TSPAN9: variants seen among roughly 807,000 people sequenced by gnomAD.
TSPAN9 encodes tetraspanin 9, also known as tetraspanin-9.
In TSPAN9, 16 loss-of-function variants were observed where a neutral mutation model predicts 31.0. The observed-to-expected ratio is 0.52, with a 90% CI of 0.35 to 0.78. The LOEUF (loss-of-function observed/expected upper bound fraction) is 0.78, where lower values mean the gene tolerates loss of function less well. Among genes scored for constraint, TSPAN9 ranks in the 30% least tolerant of loss-of-function variants. The pLI is 0.01. For missense variants in TSPAN9, 272 were observed against 312.5 expected (o/e 0.87, Z 0.98); for synonymous variants, 145 against 121.6 (o/e 1.19, Z -1.27).
At chr12:3,242,448 C>T (rs2098397045) in intron 3 of TSPAN9, among the ~76,000 whole-genome samples, 1 of 152,224 alleles carries the variant, frequency 6.6e-6, no homozygotes, top group Non-Finnish European at 1.5e-5. Context: ...AGATGAAGAG[C>T]AATAGCCTGG....
rs190488338 is a variant in TSPAN9, at chr12:3,190,560, T to C, written c.-17-10617T>C. Among the ~76,000 whole-genome samples, 97 of 152,274 alleles carry C rather than the reference T, an allele frequency of 6.4e-4. 1 individual carries two copies. Among genetic ancestry groups the C allele is most frequent in the South Asian group, 2.7e-3 (13 of 4,822 alleles). ...ACAGGGATGCTGATTGGCCTTAGGA[T>C]GAAAGATGGGCTGCTTTGGAACTTT... On this transcript the variant is annotated intron_variant, in intron 2 of 8. Transcript: ENST00000011898.
At position 3,170,559 on chromosome 12, in the gene TSPAN9, C is replaced by A. The variant is rs1174639116; in HGVS notation, c.-17-30618C>A. 6.6e-6 allele frequency among the ~76,000 whole-genome samples: 1 copy of A among 150,478 alleles called. No individual in the cohort carries two copies. The highest frequency in any genetic ancestry group is 1.5e-5 in the Non-Finnish European group (1 of 67,782). On this transcript the variant is annotated intron_variant, in intron 2 of 8. Transcript: ENST00000011898. The surrounding 1 kb of genome is among the most constrained non-coding windows in gnomAD (Gnocchi z 4.4). The stretch of plus-strand genomic sequence containing the variant: ...AATCTGATCTGGTGGATGTGCGTGG[C>A]GTAGATAAGAGATCACTGAGTCAGT...
At chr12:3,148,804 G>A (rs1217043561) in intron 2 of TSPAN9, among the ~76,000 whole-genome samples, 1 of 152,250 alleles carries the variant, frequency 6.6e-6, no homozygotes, top group Non-Finnish European at 1.5e-5. Flanking sequence ...GCCCCATCCA[G>A]CTGTTGTCCA....
chr12:3,145,421 C>T (rs910509683), intron 2 of TSPAN9, among the ~76,000 whole-genome samples: 13 of 152,244 alleles, frequency 8.5e-5, no homozygotes, highest in African/African-American at 2.6e-4. Flanking sequence ...AGGGTCCTCC[C>T]GTCCCTAGGA....
chr12:3,280,324 T>C lies in TSPAN9; in HGVS notation c.331-58T>C, dbSNP rs1862869856. 16 of 1,514,732 alleles carry C rather than the reference T, an allele frequency of 1.1e-5. No homozygotes were observed. Among genetic ancestry groups the C allele is most frequent in the Non-Finnish European group, 1.5e-5 (16 of 1,096,766 alleles). 93.8% of individuals were successfully genotyped at this position (1,514,732 alleles called of 1,614,324 possible). A position where few individuals can be genotyped will look rare whatever the true frequency, so the allele number is the denominator to read the frequency against. ...CCATCCTGGGTGACCTGAGGTGGGCTGGAGAGACGAGCTGCGTCCTGGTTC... is the reference window on the plus strand; with the variant it reads ...CCATCCTGGGTGACCTGAGGTGGGCCGGAGAGACGAGCTGCGTCCTGGTTC... On this transcript the variant is annotated intron_variant, in intron 5 of 8. Transcript: ENST00000011898. This position sits in a 1 kb window ranked among gnomAD's most constrained non-coding sequence, Gnocchi z 4.5.
At chr12:3,230,923 G>A (rs2098390407) in intron 3 of TSPAN9, among the ~76,000 whole-genome samples, 1 of 152,108 alleles carries the variant, frequency 6.6e-6, no homozygotes, top group African/African-American at 2.4e-5. Flanking sequence ...TAGGATCTCA[G>A]TGCGTACCTT....
At chr12:3,198,630 AC>A (rs1207591813) in intron 2 of TSPAN9, among the ~76,000 whole-genome samples, 2 of 83,726 alleles carry the variant, frequency 2.4e-5, no homozygotes, top group African/African-American at 5.4e-5. Context: ...AGCACAGGCC[AC>A]CACCAGCACA....
chr12:3,230,374 T>C (rs2098390027), intron 3 of TSPAN9, among the ~76,000 whole-genome samples: 1 of 151,758 alleles, frequency 6.6e-6, no homozygotes, highest in Admixed American at 6.6e-5. Flanking sequence ...CAGCCAGGCT[T>C]CCCCCTCCCT....
chr12:3,248,214 G>A (rs569742603), intron 3 of TSPAN9, among the ~76,000 whole-genome samples: 2 of 152,258 alleles, frequency 1.3e-5, no homozygotes, highest in African/African-American at 2.4e-5. Flanking sequence ...CTTCCTTCAA[G>A]GTGCTGTGGC....
rs1250950184 is a variant in TSPAN9 at position 3,098,512 on chromosome 12, G to T, written c.-18+14793G>T. ...GAACAAGGTGGTTCATCCTTGGCCTGCAAGGGAGGGCTGAGTGACTGCCTG... is the reference window on the plus strand; with the variant it reads ...GAACAAGGTGGTTCATCCTTGGCCTTCAAGGGAGGGCTGAGTGACTGCCTG... On this transcript the variant is annotated intron_variant, in intron 2 of 8. Coordinates refer to ENST00000011898, the MANE Select transcript of TSPAN9 (RefSeq NM_006675.5). Among the ~76,000 whole-genome samples, 4 of 152,302 alleles carry T rather than the reference G, an allele frequency of 2.6e-5. No homozygotes were observed. The East Asian group carries it at 7.7e-4, about 29-fold the overall frequency.
chr12:3,095,325 C>T (rs1291758878), intron 2 of TSPAN9, among the ~76,000 whole-genome samples: 1 of 150,000 alleles, frequency 6.7e-6, no homozygotes, highest in African/African-American at 2.5e-5. Context: ...CCACCTTTCC[C>T]GCCTTTCTAT....
chr12:3,162,502 G>A (rs2098345936), intron 2 of TSPAN9, among the ~76,000 whole-genome samples: 1 of 152,076 alleles, frequency 6.6e-6, no homozygotes, highest in African/African-American at 2.4e-5. Context: ...ATCAACTCTT[G>A]TTCTACCTGG....
At chr12:3,272,548 G>A (rs759589946) in intron 3 of TSPAN9, among the ~76,000 whole-genome samples, 1 of 151,292 alleles carries the variant, frequency 6.6e-6, no homozygotes, top group African/African-American at 2.4e-5. Context: ...GAGCCACTGC[G>A]CCCGGCCGTG....
intron 7 of TSPAN9, 125 bp downstream of exon 7, chr12:3,281,454 T>C: frequency 3.3e-6 from 3 of 904,912 alleles, no homozygotes; most frequent in Non-Finnish European, 4.4e-6. Flanking sequence ...GGTGGGGGGC[T>C]CACAAAAATA....
chr12:3,281,062 A>G, intron 6 of TSPAN9, 136 bp from the exon 7 acceptor site: 1 of 1,388,758 alleles, frequency 7.2e-7, no homozygotes, highest in Non-Finnish European at 9.7e-7. Context: ...ACAAGAAGCA[A>G]GCCCTTTGTC....
chr12:3,241,360 G>A (rs1247242618), intron 3 of TSPAN9, among the ~76,000 whole-genome samples: 4 of 152,192 alleles, frequency 2.6e-5, no homozygotes, highest in Admixed American at 2.6e-4. Context: ...ATGTATTATA[G>A]ATGTCTAATT....
At chr12:3,223,774 C>T (rs933426116) in intron 3 of TSPAN9, among the ~76,000 whole-genome samples, 3 of 152,196 alleles carry the variant, frequency 2.0e-5, no homozygotes, top group Admixed American at 6.5e-5. Context: ...TGAATTCAGC[C>T]GTGGCGGCGG....
At chr12:3,282,249 C>G in intron 8 of TSPAN9, 1 of 548,016 alleles carries the variant, frequency 1.8e-6, no homozygotes, top group Middle Eastern at 4.9e-4. Context: ...GGGTCCCCGG[C>G]TCCTTTGAGG....
intron 3 of TSPAN9, among the ~76,000 whole-genome samples, chr12:3,204,056 C>G (rs2098373515): frequency 6.6e-6 from 1 of 152,188 alleles, no homozygotes; most frequent in South Asian, 2.1e-4. Context: ...AGCATGCAGG[C>G]TGGGTCAAGC....
Sources: gnomAD v4.1 joint callset for allele counts (sites outside exome capture counted in the v4.1 genomes callset) on GRCh38, gnomAD v4.1.1 for gene constraint, Gnocchi (gnomAD v3.1) non-coding constraint, MANE v1.5 for transcripts, NCBI Gene and HGNC (gene_info 2026-07-23, HGNC 2026-07-21) for gene names.